The following ZNF701 variants were observed in gnomAD, a reference collection of about 807,000 sequenced individuals.
ZNF701 encodes the protein zinc finger protein 701.
Under a neutral mutation model 7.1 loss-of-function variants are expected in ZNF701, and 6 were observed. The ratio of observed to expected loss-of-function variants is 0.84; its 90% CI spans 0.46 to 1.66. The LOEUF (loss-of-function observed/expected upper bound fraction) is 1.66, where lower values mean the gene tolerates loss of function less well. Ranked by LOEUF, ZNF701 falls within the 40% of genes most tolerant of loss-of-function variation. The pLI, the probability that ZNF701 is intolerant of heterozygous loss-of-function variation, is 0.01. For missense variants in ZNF701, 541 were observed against 559.2 expected (o/e 0.97, Z 0.33); for synonymous variants, 166 against 188.2 (o/e 0.88, Z 0.97).
At chr19:52,577,074 C>T (rs1324519005) in intron 3 of ZNF701, among the ~76,000 whole-genome samples, 1 of 152,102 alleles carries the variant, frequency 6.6e-6, no homozygotes, top group African/African-American at 2.4e-5. Flanking sequence ...TTTCTTTGCC[C>T]CCACTTATCC....
Position 52,582,952 on chromosome 19 carries a change from A to C in ZNF701, c.893A>C (p.Tyr298Ser). The C allele has an allele frequency of 6.2e-7, 1 of 1,614,162 alleles. No individual in the cohort carries two copies. Residue 298 changes from tyrosine to serine, a missense_variant, in exon 4 of 4, where the codon TAC (tyrosine) becomes TCC (serine). Tyr to Ser is a moderately radical substitution (Grantham distance 144). Coordinates refer to ENST00000391785, the MANE Select transcript of ZNF701 (RefSeq NM_018260.3). ...HKAIHTGEKP[Y>S]KCNECGKVFN... ...GCAATTCATACTGGAGAGAAACCTT[A>C]CAAGTGTAATGAATGTGGCAAGGTT...
intron 3 of ZNF701, among the ~76,000 whole-genome samples, chr19:52,578,825 T>C (rs1389225581): frequency 1.3e-5 from 2 of 152,184 alleles, no homozygotes; most frequent in African/African-American, 2.4e-5. Context: ...TGGTGCGATC[T>C]CGGCTCACTG....
In ZNF701 at chr19:52,570,319, C is replaced by T. The variant is rs561547346; in HGVS notation, c.-83C>T. 6.5e-5 allele frequency: 10 copies of T among 154,172 alleles called. No homozygotes were observed. The highest frequency in any genetic ancestry group is 1.3e-4 in the Non-Finnish European group (9 of 69,220). The allele number at this position is 154,172 out of a possible 1,614,324, so 9.6% of individuals were successfully genotyped here. On this transcript the variant is annotated 5_prime_UTR_variant, in exon 1 of 4. Coordinates refer to ENST00000391785, the MANE Select transcript of ZNF701 (RefSeq NM_018260.3). ...GAAGCGGATCCCGTGGAGTGAAGGT[C>T]GCACCGCGGCGGTGAGTTTTGCTCT...
Position 52,582,619 on chromosome 19 carries a change from G to C in ZNF701, c.560G>C (p.Arg187Pro). Residue 187 changes from arginine (R) to proline (P), a missense_variant, in exon 4 of 4, where the codon CGT (arginine) becomes CCT (proline). Physicochemically the swap from Arg to Pro is moderately radical, Grantham distance 103 (BLOSUM62 -2). Transcript: ENST00000391785. Reference protein sequence around the residue: ...SQRISCRPKTRISNKYRNNFL... With the variant: ...SQRISCRPKTPISNKYRNNFL... ...CGAATTTCCTGTAGGCCAAAAACTC[G>C]TATTTCTAATAAGTATAGGAATAAT... 1 of 1,614,070 alleles carries C rather than the reference G, an allele frequency of 6.2e-7. No homozygotes were observed. The highest frequency in any genetic ancestry group is 8.5e-7 in the Non-Finnish European group (1 of 1,180,024).
rs2060005180 is a variant in ZNF701, at chr19:52,585,552, AG to A, written c.*2096del. On this transcript the variant is annotated 3_prime_UTR_variant, in exon 4 of 4. Transcript: ENST00000391785. ...AGATGGATATTAAACATAGAATTGA[AG>A]AAAAAAAAAAAAACCCCACAAAGTA... 7.9e-6 allele frequency: 1 copy of A among 125,926 alleles called. No individual in the cohort carries two copies. Among genetic ancestry groups the A allele is most frequent in the Non-Finnish European group, 1.7e-5 (1 of 60,382 alleles). 7.8% of individuals were successfully genotyped at this position (125,926 alleles called of 1,614,324 possible). A position where few individuals can be genotyped will look rare whatever the true frequency, so the allele number is the denominator to read the frequency against.
intron 3 of ZNF701, among the ~76,000 whole-genome samples, chr19:52,581,334 C>G (rs536813014): frequency 7.9e-5 from 12 of 151,972 alleles, no homozygotes; most frequent in Non-Finnish European, 1.0e-4. Flanking sequence ...ATTCTCCTTC[C>G]TTAGCCTCCC....
downstream of ZNF701, among the ~76,000 whole-genome samples, chr19:52,589,992 C>T (rs1053899202): frequency 2.0e-5 from 3 of 152,064 alleles, no homozygotes; most frequent in Non-Finnish European, 4.4e-5. Context: ...CAGGGTTTCT[C>T]TATGTTGGTC....
At chr19:52,591,765 TG>T (rs1173816988), downstream of ZNF701, among the ~76,000 whole-genome samples, 5 of 152,146 alleles carry the variant, frequency 3.3e-5, no homozygotes, top group Non-Finnish European at 7.4e-5. Context: ...CATGTTACCC[TG>T]GATGGTCTCA....
intron 3 of ZNF701, among the ~76,000 whole-genome samples, chr19:52,580,440 T>C (rs1056492998): frequency 6.6e-6 from 1 of 152,132 alleles, no homozygotes; most frequent in African/African-American, 2.4e-5. Flanking sequence ...TTGGCCAGGC[T>C]GGTGTCGAAC....
Position 52,583,273 on chromosome 19 carries a change from C to T in ZNF701, c.1214C>T (p.Thr405Ile), listed in dbSNP as rs2059989127. 3 of 1,613,650 alleles carry T rather than the reference C, an allele frequency of 1.9e-6. No homozygotes were observed. The highest frequency in any genetic ancestry group is 1.6e-4 in the Middle Eastern group (1 of 6,076). ...CTTGTAATGCATAAGGTCATTCATA[C>T]TGGAGAGAAACGTTACAAGTGTAAT... Reference protein sequence around the residue: ...SSLVMHKVIHTGEKRYKCNEC... With the variant: ...SSLVMHKVIHIGEKRYKCNEC... Residue 405 changes from threonine to isoleucine, a missense_variant, in exon 4 of 4, where the codon ACT becomes ATT. Coordinates refer to ENST00000391785, the MANE Select transcript of ZNF701 (RefSeq NM_018260.3).
the ZNF701 span, chr19:52,595,930 C>T: frequency 6.2e-7 from 1 of 1,612,850 alleles, no homozygotes; most frequent in Admixed American, 1.7e-5. Context: ...CTGAACTCCA[C>T]ATGTTTCAGA....
chr19:52,583,404 C>G lies in ZNF701; in HGVS notation c.1345C>G (p.Arg449Gly). ...TAATGAATGTGGCAAGGTTTTTAAT[C>G]GAAAATCAAACCTTGAACGTCATCA... ...KCNECGKVFN[R>G]KSNLERHHRL... The change falls in exon 4 of 4, where the codon CGA becomes GGA. Residue 449 changes from arginine to glycine, a missense_variant. Physicochemically the swap from Arg to Gly is moderately radical, Grantham distance 125. Transcript: ENST00000391785. 1 of 1,613,216 alleles carries G rather than the reference C, an allele frequency of 6.2e-7. No individual in the cohort carries two copies. The highest frequency in any genetic ancestry group is 8.5e-7 in the Non-Finnish European group (1 of 1,179,716).
At chr19:52,597,292 GT>G in the ZNF701 span, 1 of 544,442 alleles carries the variant, frequency 1.8e-6, no homozygotes, top group Non-Finnish European at 3.7e-6. Context: ...TTGACTTCAC[GT>G]TCACACCTCA....
intron 3 of ZNF701, among the ~76,000 whole-genome samples, chr19:52,579,694 T>G (rs2059962755): frequency 7.2e-6 from 1 of 139,580 alleles, no homozygotes; most frequent in East Asian, 2.0e-4. Flanking sequence ...GTTAACATGG[T>G]GAAACTTCGT....
chr19:52,583,741 AG>A lies in ZNF701; in HGVS notation c.*285del. 3 of 704,752 alleles carry A rather than the reference AG, an allele frequency of 4.3e-6. No individual in the cohort carries two copies. The South Asian group carries it at 4.8e-5, about 11-fold the overall frequency. The allele number at this position is 704,752 out of a possible 1,614,324, so 43.7% of individuals were successfully genotyped here. A position where few individuals can be genotyped will look rare whatever the true frequency, so the allele number is the denominator to read the frequency against. ...GAGTGTGGCAGAGCCTTTGGTGGTC[AG>A]TCAACACTTACTCACCATCAAGCAA... is the stretch of plus-strand genomic sequence containing the variant. On this transcript the variant is annotated 3_prime_UTR_variant, in exon 4 of 4. Coordinates refer to ENST00000391785, the MANE Select transcript of ZNF701 (RefSeq NM_018260.3).
Position 52,571,972 on chromosome 19 carries a change from T to C in ZNF701, c.-72+1642T>C, listed in dbSNP as rs143079183. On this transcript the variant is annotated intron_variant, in intron 1 of 3. Transcript: ENST00000391785. ...CCTAGTAGCTGGGATTACAGGCATG[T>C]GCCACCACACCAGGCTAATTTTGTA... Among the ~76,000 whole-genome samples the C allele has an allele frequency of 2.3e-3, 357 of 152,062 alleles. 1 individual carries two copies. Among genetic ancestry groups the C allele is most frequent in the African/African-American group, 5.8e-3 (239 of 41,520 alleles).
At chr19:52,576,589 T>C (rs952100923) in intron 3 of ZNF701, among the ~76,000 whole-genome samples, 1 of 150,538 alleles carries the variant, frequency 6.6e-6, no homozygotes, top group East Asian at 1.9e-4. Flanking sequence ...ATATCCAGTT[T>C]CCTGTTTGCT....
At chr19:52,577,033 G>T (rs2059939179) in intron 3 of ZNF701, among the ~76,000 whole-genome samples, 1 of 152,172 alleles carries the variant, frequency 6.6e-6, no homozygotes, top group Admixed American at 6.5e-5. Context: ...GAAAAGGAAA[G>T]TTTCAATCCT....
chr19:52,589,445 A>G (rs1470234675), downstream of ZNF701, among the ~76,000 whole-genome samples: 1 of 148,186 alleles, frequency 6.7e-6, no homozygotes, highest in Non-Finnish European at 1.5e-5. Context: ...GCATTTTTTT[A>G]GGATAAAACA....
Sources: allele counts gnomAD v4.1 joint callset (sites outside exome capture counted in the v4.1 genomes callset), GRCh38; gene constraint gnomAD v4.1.1; transcripts MANE v1.5; gene names NCBI Gene and HGNC (gene_info 2026-07-23, HGNC 2026-07-21).